The following VAT1L variants were observed in gnomAD, a reference collection of about 807,000 sequenced individuals.
The protein encoded by VAT1L is vesicle amine transport 1 like.
In VAT1L, 34 loss-of-function variants were observed where a neutral mutation model predicts 44.1. That is an observed-to-expected ratio of 0.77 (90% CI 0.59 to 1.03). VAT1L has a LOEUF of 1.03. Ranked by LOEUF, VAT1L falls within the 50% of genes least tolerant of loss-of-function variation. The pLI is 0.00. For missense variants in VAT1L, 615 were observed against 538.8 expected, an observed-to-expected ratio of 1.14 and a Z score of -1.40; for synonymous variants, 253 against 202.2, an observed-to-expected ratio of 1.25 and a Z score of -2.13.
chr16:77,888,697 C>T (rs757667647), intron 7 of VAT1L, among the ~76,000 whole-genome samples: 21 of 152,214 alleles, frequency 1.4e-4, no homozygotes, highest in Admixed American at 2.6e-4. Flanking sequence ...ACTCCCGTAC[C>T]GCCAGCGGTG....
In VAT1L at chr16:77,964,425, T is replaced by C. The variant is rs138656900; in HGVS notation, c.1078-7425T>C. On this transcript the variant is annotated intron_variant, in intron 7 of 8. Transcript: ENST00000302536. Reference sequence around the variant, plus strand: ...CACGTGCGTTTTTCTTGCTTCACGGTCCCCCCAGCAAGGGCATCACTCCAA... The same window carrying C: ...CACGTGCGTTTTTCTTGCTTCACGGCCCCCCCAGCAAGGGCATCACTCCAA... Among the ~76,000 whole-genome samples the C allele has an allele frequency of 2.5e-3, 387 of 152,054 alleles. 2 individuals carry two copies. Among genetic ancestry groups the C allele is most frequent in the African/African-American group, 8.6e-3 (356 of 41,450 alleles).
intron 7 of VAT1L, among the ~76,000 whole-genome samples, chr16:77,915,717 G>C (rs1661106995): frequency 6.6e-6 from 1 of 152,242 alleles, no homozygotes; most frequent in Admixed American, 6.5e-5. Flanking sequence ...TGAACCAATG[G>C]AGAACTAATG....
chr16:77,867,670 C>A (rs1028843574), intron 4 of VAT1L, among the ~76,000 whole-genome samples: 1 of 151,950 alleles, frequency 6.6e-6, no homozygotes, highest in African/African-American at 2.4e-5. Context: ...ACCAGCCTGG[C>A]CAACATGGTG....
chr16:77,820,229 A>G lies in VAT1L; in HGVS notation c.363+3179A>G, dbSNP rs78190093. The stretch of plus-strand genomic sequence containing the variant: ...ACCTGGTCAGATTGAACTTTTACCT[A>G]ACACTAGGAGGAGATGACAATAGTC... On this transcript the variant is annotated intron_variant, in intron 2 of 8. Coordinates refer to ENST00000302536, the MANE Select transcript of VAT1L (RefSeq NM_020927.3). 5.1e-3 allele frequency among the ~76,000 whole-genome samples: 771 copies of G among 152,232 alleles called. 6 individuals are homozygous for G. Among genetic ancestry groups the G allele is most frequent in the African/African-American group, 0.017 (722 of 41,520 alleles).
At chr16:77,950,156 C>G (rs1451649370) in intron 7 of VAT1L, among the ~76,000 whole-genome samples, 1 of 152,124 alleles carries the variant, frequency 6.6e-6, no homozygotes, top group African/African-American at 2.4e-5. Flanking sequence ...CGCCTGTAAT[C>G]CCAGCATTTT....
chr16:77,977,753 G>C lies in VAT1L; in HGVS notation c.*58G>C. 3 of 1,532,280 alleles carry C rather than the reference G, an allele frequency of 2.0e-6. No individual in the cohort carries two copies. The highest frequency in any genetic ancestry group is 2.7e-6 in the Non-Finnish European group (3 of 1,119,080). The allele number at this position is 1,532,280 out of a possible 1,614,324, so 94.9% of individuals were successfully genotyped here. ...GTTTGGAAGATGAGGACCCGGCTGA[G>C]AAAACTCTTCTGTGCCCCAGTGAAC... is the stretch of plus-strand genomic sequence containing the variant. On this transcript the variant is annotated 3_prime_UTR_variant, in exon 9 of 9. Coordinates refer to ENST00000302536, the MANE Select transcript of VAT1L (RefSeq NM_020927.3).
Position 77,816,957 on chromosome 16 carries a change from G to T in VAT1L, c.270G>T (p.Gly90=), listed in dbSNP as rs1263742396. ...LNFIDLMVRQ[G]NIDNPPKTPL... ...TCATTGACTTGATGGTGCGACAAGG[G>T]AATATTGACAACCCTCCCAAGACTC... The change falls in exon 2 of 9, where the codon GGG becomes GGT. Residue 90 remains glycine (G), a synonymous_variant. Transcript: ENST00000302536. 6.2e-7 allele frequency: 1 copy of T among 1,613,968 alleles called. No homozygotes were observed. The highest frequency in any genetic ancestry group is 8.5e-7 in the Non-Finnish European group (1 of 1,179,908).
intron 7 of VAT1L, among the ~76,000 whole-genome samples, chr16:77,897,418 G>A (rs1182511697): frequency 2.6e-5 from 4 of 152,186 alleles, no homozygotes; most frequent in African/African-American, 9.7e-5. Flanking sequence ...ATAATGTGCA[G>A]AAGCAGGTCT....
chr16:77,873,307 T>G (rs1441230584), intron 4 of VAT1L, among the ~76,000 whole-genome samples: 1 of 152,192 alleles, frequency 6.6e-6, no homozygotes, highest in African/African-American at 2.4e-5. Context: ...TTTTTAAAAG[T>G]GGAGTTAAAA....
intron 1 of VAT1L, among the ~76,000 whole-genome samples, chr16:77,796,583 T>C (rs1056533443): frequency 3.3e-5 from 5 of 152,256 alleles, no homozygotes; most frequent in African/African-American, 4.8e-5. Flanking sequence ...GTTAATGATA[T>C]GCACTTTTAC....
chr16:77,833,941 C>G (rs1002055964), intron 3 of VAT1L, among the ~76,000 whole-genome samples: 1 of 152,122 alleles, frequency 6.6e-6, no homozygotes. Context: ...CTTCCATTCA[C>G]TGCTGTTTTA....
intron 7 of VAT1L, among the ~76,000 whole-genome samples, chr16:77,962,477 C>G (rs540997294): frequency 6.6e-6 from 1 of 152,100 alleles, no homozygotes; most frequent in Non-Finnish European, 1.5e-5. Context: ...GCCCAGGTCT[C>G]AGAGTAGAAT....
intron 3 of VAT1L, among the ~76,000 whole-genome samples, chr16:77,862,188 C>T (rs2016921702): frequency 2.0e-5 from 3 of 152,218 alleles, no homozygotes; most frequent in African/African-American, 7.2e-5. Context: ...CAAGGCGACA[C>T]TTTGCAATGT....
chr16:77,874,911 C>T (rs576338138), intron 4 of VAT1L, among the ~76,000 whole-genome samples: 22 of 149,450 alleles, frequency 1.5e-4, no homozygotes, highest in Non-Finnish European at 2.1e-4. Flanking sequence ...ATTCTCAGAG[C>T]GTGGAGCTGG....
At chr16:77,804,422 G>A (rs969720602) in intron 1 of VAT1L, among the ~76,000 whole-genome samples, 3 of 152,140 alleles carry the variant, frequency 2.0e-5, no homozygotes, top group Non-Finnish European at 4.4e-5. Context: ...TAGACATTTA[G>A]ATTCTCAATA....
intron 1 of VAT1L, among the ~76,000 whole-genome samples, chr16:77,804,797 C>T (rs1047391630): frequency 1.3e-5 from 2 of 152,130 alleles, no homozygotes; most frequent in African/African-American, 4.8e-5. Context: ...GCTCCAGCAG[C>T]CATGTACAAA....
intron 4 of VAT1L, among the ~76,000 whole-genome samples, chr16:77,873,389 A>G (rs2017052347): frequency 6.6e-6 from 1 of 152,200 alleles, no homozygotes; most frequent in Non-Finnish European, 1.5e-5. Flanking sequence ...CTGAAATATG[A>G]GTTTCCTTTC....
At chr16:77,791,229 G>C (rs1331312195) in intron 1 of VAT1L, among the ~76,000 whole-genome samples, 1 of 152,156 alleles carries the variant, frequency 6.6e-6, no homozygotes, top group African/African-American at 2.4e-5. Flanking sequence ...GTATTTTTAT[G>C]AATCAGCCGA....
chr16:77,845,290 A>G (rs948037192), intron 3 of VAT1L, among the ~76,000 whole-genome samples: 5 of 152,116 alleles, frequency 3.3e-5, no homozygotes, highest in African/African-American at 1.2e-4. Flanking sequence ...CCCTGAGTTA[A>G]TGCCACAGGC....
Sources: allele counts gnomAD v4.1 joint callset (sites outside exome capture counted in the v4.1 genomes callset), GRCh38; gene constraint gnomAD v4.1.1; transcripts MANE v1.5; gene names NCBI Gene and HGNC (gene_info 2026-07-23, HGNC 2026-07-21).